The following CASQ2 variants were observed in gnomAD, a reference collection of about 807,000 sequenced individuals.
CASQ2 encodes the protein calsequestrin 2, also known as calsequestrin-2.
A neutral mutation model predicts 46.5 loss-of-function variants in CASQ2; 49 were observed. The ratio of observed to expected loss-of-function variants is 1.05; its 90% CI spans 0.84 to 1.34. CASQ2 has a LOEUF of 1.34. CASQ2 is among the 40% of genes most tolerant of loss of function. The pLI, the probability that CASQ2 is intolerant of heterozygous loss-of-function variation, is 0.00. For missense variants in CASQ2, 486 were observed against 481.3 expected, an observed-to-expected ratio of 1.01 and a Z score of -0.09; for synonymous variants, 174 against 168.5, an observed-to-expected ratio of 1.03 and a Z score of -0.25.
intron 1 of CASQ2, among the ~76,000 whole-genome samples, chr1:115,754,851 T>G (rs1648706419): frequency 6.6e-6 from 1 of 152,182 alleles, no homozygotes; most frequent in Admixed American, 6.5e-5. Flanking sequence ...CCCTACCAAT[T>G]AACTACAGGG....
Position 115,705,282 on chromosome 1 carries a change from T to G in CASQ2, c.849A>C (p.Glu283Asp), listed in dbSNP as rs759205292. 13 of 1,611,856 alleles carry G rather than the reference T, an allele frequency of 8.1e-6. No homozygotes were observed. In the South Asian group the frequency reaches 1.4e-4, roughly 18 times the overall value. The change falls in exon 9 of 11, where the codon GAA becomes GAC. Residue 283 changes from glutamate to aspartate, a missense_variant. Physicochemically the swap from Glu to Asp is conservative, Grantham distance 45 (BLOSUM62 2). Coordinates refer to ENST00000261448, the MANE Select transcript of CASQ2 (RefSeq NM_001232.4). ...CAACCTGTTTCAGGATCTCCAGGAA[T>G]TCGTAGCCATCTGAAACAGGATTCA... ...FAEKSDPDGY[E>D]FLEILKQVAR... is the part of the protein sequence containing the mutation.
At chr1:115,708,549 C>T (rs1464959030) in intron 8 of CASQ2, among the ~76,000 whole-genome samples, 1 of 152,176 alleles carries the variant, frequency 6.6e-6, no homozygotes, top group Non-Finnish European at 1.5e-5. Flanking sequence ...TTTAATGTTT[C>T]TCTCCTCATC....
At chr1:115,767,495 C>A (rs1462720516) in intron 1 of CASQ2, among the ~76,000 whole-genome samples, 2 of 152,114 alleles carry the variant, frequency 1.3e-5, no homozygotes, top group Non-Finnish European at 2.9e-5. Flanking sequence ...TGCGCCTGGG[C>A]TAGGCGTGGA....
intron 10 of CASQ2, among the ~76,000 whole-genome samples, chr1:115,702,205 A>G (rs1271077811): frequency 3.9e-5 from 6 of 152,144 alleles, no homozygotes; most frequent in Admixed American, 3.9e-4. Context: ...TACAGGCATG[A>G]GCCACCACGC....
At chr1:115,723,834 T>G (rs1168103248) in intron 7 of CASQ2, among the ~76,000 whole-genome samples, 1 of 152,204 alleles carries the variant, frequency 6.6e-6, no homozygotes, top group East Asian at 1.9e-4. Flanking sequence ...TCACTATGCC[T>G]AGCGATAAGA....
At chr1:115,746,455 A>G (rs1443674960) in intron 1 of CASQ2, among the ~76,000 whole-genome samples, 2 of 152,240 alleles carry the variant, frequency 1.3e-5, no homozygotes, top group Admixed American at 1.3e-4. Context: ...TGAGCAAGGT[A>G]TGAATAATCC....
intron 8 of CASQ2, among the ~76,000 whole-genome samples, chr1:115,711,578 C>A (rs1051631062): frequency 2.8e-5 from 4 of 141,556 alleles, no homozygotes; most frequent in Non-Finnish European, 6.0e-5. Context: ...CCATCAAACT[C>A]TTACTCATTT....
chr1:115,705,157 C>T, intron 9 of CASQ2, 35 bp downstream of exon 9: 1 of 1,314,570 alleles, frequency 7.6e-7, no homozygotes, highest in South Asian at 1.2e-5. Flanking sequence ...GTTGTGACAG[C>T]AACTGAGGGT....
At chr1:115,712,781 G>T (rs997035551) in intron 8 of CASQ2, among the ~76,000 whole-genome samples, 1 of 151,210 alleles carries the variant, frequency 6.6e-6, no homozygotes, top group African/African-American at 2.4e-5. Context: ...GCTTGAACCC[G>T]GGAGGTGGAG....
Position 115,705,292 on chromosome 1 carries a change from T to C in CASQ2, c.839A>G (p.Asp280Gly). The change falls in exon 9 of 11, where the codon GAT (aspartate) becomes GGT (glycine). Residue 280 changes from aspartate (D) to glycine (G), a missense_variant and splice_region_variant. Physicochemically the swap from Asp to Gly is moderately conservative, Grantham distance 94. Coordinates refer to ENST00000261448, the MANE Select transcript of CASQ2 (RefSeq NM_001232.4). Reference sequence around the variant, plus strand: ...CAGGATCTCCAGGAATTCGTAGCCATCTGAAACAGGATTCAAGAGAGTTGA... The same window carrying C: ...CAGGATCTCCAGGAATTCGTAGCCACCTGAAACAGGATTCAAGAGAGTTGA... ...IVAFAEKSDP[D>G]GYEFLEILKQ... The C allele has an allele frequency of 6.2e-7, 1 of 1,605,908 alleles. No homozygotes were observed. The highest frequency in any genetic ancestry group is 8.5e-7 in the Non-Finnish European group (1 of 1,172,526).
In CASQ2 at chr1:115,727,126, T is replaced by C; in HGVS notation, c.607-4A>G. ...TCAAAGATAATTTCTTTGCAACCTG[T>C]AACCATTAGAAATAAGACAAAGTTT... On this transcript the variant is annotated splice_polypyrimidine_tract_variant and splice_region_variant and intron_variant, in intron 5 of 10. Transcript: ENST00000261448. 2 of 1,608,244 alleles carry C rather than the reference T, an allele frequency of 1.2e-6. No homozygotes were observed. Among genetic ancestry groups the C allele is most frequent in the Non-Finnish European group, 8.5e-7 (1 of 1,174,828 alleles).
chr1:115,764,588 T>TGA (rs778224752), intron 1 of CASQ2, among the ~76,000 whole-genome samples: 5 of 152,188 alleles, frequency 3.3e-5, no homozygotes, highest in Non-Finnish European at 7.3e-5. Context: ...AGCTATGAAA[T>TGA]GAGGGGTTCA....
chr1:115,709,399 C>G (rs1309678446), intron 8 of CASQ2, among the ~76,000 whole-genome samples: 1 of 152,138 alleles, frequency 6.6e-6, no homozygotes, highest in Non-Finnish European at 1.5e-5. Context: ...GTAAATGTTT[C>G]CTTTATCAGT....
intron 1 of CASQ2, among the ~76,000 whole-genome samples, chr1:115,750,470 A>G (rs888195444): frequency 1.3e-5 from 2 of 152,210 alleles, no homozygotes; most frequent in Admixed American, 1.3e-4. Flanking sequence ...TTAAGTACAA[A>G]AAAGTGTTTT....
intron 7 of CASQ2, among the ~76,000 whole-genome samples, chr1:115,725,189 C>T (rs1647534160): frequency 6.6e-6 from 1 of 152,126 alleles, no homozygotes; most frequent in Non-Finnish European, 1.5e-5. Flanking sequence ...GCCTCAGCCT[C>T]CCAAGTAGCT....
At chr1:115,717,527 A>T (rs568573083) in intron 8 of CASQ2, among the ~76,000 whole-genome samples, 4 of 152,124 alleles carry the variant, frequency 2.6e-5, no homozygotes, top group African/African-American at 9.7e-5. Context: ...CCTCTTACCC[A>T]TTTGGCAGCC....
intron 8 of CASQ2, among the ~76,000 whole-genome samples, chr1:115,706,162 A>T (rs902827341): frequency 6.1e-5 from 9 of 148,678 alleles, no homozygotes; most frequent in African/African-American, 2.0e-4. Context: ...GCGTGTGTGT[A>T]TGTGTGTGCG....
chr1:115,739,924 T>C (rs1648122599), intron 3 of CASQ2, among the ~76,000 whole-genome samples: 1 of 152,192 alleles, frequency 6.6e-6, no homozygotes, highest in African/African-American at 2.4e-5. Flanking sequence ...TCTCAACTTT[T>C]TTAGGGCATG....
intron 5 of CASQ2, among the ~76,000 whole-genome samples, chr1:115,730,777 T>C (rs1647757526): frequency 6.6e-6 from 1 of 152,218 alleles, no homozygotes; most frequent in Admixed American, 6.5e-5. Flanking sequence ...TTTTGCATTT[T>C]TGTGACCGCA....
Sources: allele counts gnomAD v4.1 joint callset (sites outside exome capture counted in the v4.1 genomes callset), GRCh38; gene constraint gnomAD v4.1.1; transcripts MANE v1.5; gene names NCBI Gene and HGNC (gene_info 2026-07-23, HGNC 2026-07-21).